Variants in LATS2 observed in about 807,000 individuals in gnomAD.
The protein encoded by LATS2 is serine/threonine-protein kinase LATS2.
LATS2 carries 24 observed loss-of-function variants against 76.0 expected under a neutral mutation model. That is an observed-to-expected ratio of 0.32 (90% CI 0.23 to 0.44). The LOEUF (loss-of-function observed/expected upper bound fraction) is 0.44. LATS2 is among the 20% of genes least tolerant of loss of function. The pLI is 1.00. For missense variants in LATS2, 1,286 were observed against 1,481.2 expected (o/e 0.87, Z 2.16); for synonymous variants, 692 against 635.4 (o/e 1.09, Z -1.34).
intron 2 of LATS2, among the ~76,000 whole-genome samples, chr13:21,027,642 A>G (rs572448456): frequency 6.6e-6 from 1 of 152,294 alleles, no homozygotes; most frequent in Admixed American, 6.5e-5. Context: ...ACTACCCACA[A>G]TAGTCTGGTC....
intron 5 of LATS2, among the ~76,000 whole-genome samples, chr13:20,981,905 C>T (rs913300182): frequency 5.3e-5 from 8 of 152,140 alleles, no homozygotes; most frequent in Admixed American, 2.0e-4. Flanking sequence ...CACCATGCAC[C>T]GTGCTGAGCT....
chr13:21,027,788 TA>T (rs944721836), intron 2 of LATS2, among the ~76,000 whole-genome samples: 67 of 151,978 alleles, frequency 4.4e-4, no homozygotes, highest in African/African-American at 8.0e-4. Flanking sequence ...CAATTTCAAT[TA>T]AAAAAAATAA....
At chr13:21,029,600 G>A (rs1256671509) in intron 2 of LATS2, among the ~76,000 whole-genome samples, 1 of 152,042 alleles carries the variant, frequency 6.6e-6, no homozygotes, top group Non-Finnish European at 1.5e-5. Context: ...AGACCAGCCT[G>A]GCCAATATGG....
intron 2 of LATS2, among the ~76,000 whole-genome samples, chr13:21,036,175 C>T (rs961500749): frequency 2.0e-5 from 3 of 151,800 alleles, no homozygotes; most frequent in Non-Finnish European, 2.9e-5. Context: ...GGATTACAGG[C>T]GTGAGCCACC....
At chr13:21,043,989 G>GTTCTGTACGTCA (rs1235314694) in intron 2 of LATS2, among the ~76,000 whole-genome samples, 1 of 152,164 alleles carries the variant, frequency 6.6e-6, no homozygotes, top group Non-Finnish European at 1.5e-5. Context: ...AAACTGCTGG[G>GTTCTGTACGTCA]TTCTGTACGT....
rs546945015 is a variant in LATS2, at chr13:20,991,186, G to C, written c.475+86C>G. On this transcript the variant is annotated intron_variant, in intron 3 of 7. Coordinates refer to ENST00000382592, the MANE Select transcript of LATS2 (RefSeq NM_014572.3). The surrounding 1 kb of genome is among the most constrained non-coding windows in gnomAD (Gnocchi z 4.9). ...CAGGAGACTGGCTCTGGCCAGGCCA[G>C]GCCAGGTTGGACCCCTCTGCACGTG... The C allele has an allele frequency of 2.5e-5, 39 of 1,532,870 alleles. 1 individual carries two copies. In the South Asian group the frequency reaches 2.8e-4, roughly 11 times the overall value. 95.0% of individuals were successfully genotyped at this position (1,532,870 alleles called of 1,614,324 possible).
intron 2 of LATS2, among the ~76,000 whole-genome samples, chr13:21,007,579 A>AG (rs1236115523): frequency 4.3e-5 from 1 of 23,052 alleles, no homozygotes; most frequent in East Asian, 4.0e-3. Context: ...ATATATATAT[A>AG]TATATATAGT....
In LATS2 at chr13:21,029,797, GA is replaced by G. The variant is rs576838167; in HGVS notation, c.342+15887del. On this transcript the variant is annotated intron_variant, in intron 2 of 7. Transcript: ENST00000382592. ...CAGAGCGACACTCTGTCTCAAAAAAGAAAAAAAAAGATATTGGGGATGGGCG... is the reference window on the plus strand; with the variant it reads ...CAGAGCGACACTCTGTCTCAAAAAAGAAAAAAAAGATATTGGGGATGGGCG... Among the ~76,000 whole-genome samples, 172 of 150,038 alleles carry G rather than the reference GA, an allele frequency of 1.1e-3. 1 individual carries two copies. The highest frequency in any genetic ancestry group is 0.01 in the Middle Eastern group (3 of 288).
At chr13:21,035,929 T>C (rs114143406) in intron 2 of LATS2, among the ~76,000 whole-genome samples, 1 of 152,176 alleles carries the variant, frequency 6.6e-6, no homozygotes, top group Non-Finnish European at 1.5e-5. Context: ...AACAGAGTCT[T>C]GCTCTGTCGC....
rs1486240345 is a variant in LATS2, at chr13:20,995,907, T to G, written c.343-4503A>C. ...GAGTAATGTGGTAGGCTAACAAGAC[T>G]TTGATGACTTTGTGTCAGTCACCTA... On this transcript the variant is annotated intron_variant, in intron 2 of 7. Transcript: ENST00000382592. Among the ~76,000 whole-genome samples the G allele has an allele frequency of 2.0e-5, 3 of 152,336 alleles. No individual in the cohort carries two copies. The East Asian group carries it at 5.8e-4, about 29-fold the overall frequency.
At chr13:21,012,275 G>A (rs58872819) in intron 2 of LATS2, among the ~76,000 whole-genome samples, 1,534 of 152,212 alleles carry the variant, frequency 0.01, 19 homozygotes, top group African/African-American at 0.035. Flanking sequence ...AGTTGTGGAG[G>A]GTGAGTGAGT....
At chr13:20,984,190 T>A (rs1870040768) in intron 4 of LATS2, among the ~76,000 whole-genome samples, 1 of 152,210 alleles carries the variant, frequency 6.6e-6, no homozygotes. Flanking sequence ...CACCTTGGCC[T>A]CCCAAAGTGC....
At position 21,059,758 on chromosome 13, in the gene LATS2, G is replaced by A. The variant is rs1873566603; in HGVS notation, c.-205+1588C>T. Among the ~76,000 whole-genome samples, 3 of 152,130 alleles carry A rather than the reference G, an allele frequency of 2.0e-5. No individual in the cohort carries two copies. The South Asian group carries it at 6.2e-4, about 31-fold the overall frequency. ...AGGCAGGTGGATCACCTGAGGTCAGGAGTTCGAGAGCCAGCCTGGCCAACA... is the reference window on the plus strand; with the variant it reads ...AGGCAGGTGGATCACCTGAGGTCAGAAGTTCGAGAGCCAGCCTGGCCAACA... On this transcript the variant is annotated intron_variant, in intron 1 of 7. Transcript: ENST00000382592.
intron 2 of LATS2, among the ~76,000 whole-genome samples, chr13:21,044,682 G>C (rs1042127047): frequency 2.3e-4 from 31 of 137,462 alleles, no homozygotes; most frequent in African/African-American, 8.0e-4. Context: ...TGGCTATGAG[G>C]TGTAGGGGTG....
At position 21,056,370 on chromosome 13, in the gene LATS2, C is replaced by T. The variant is rs573123209; in HGVS notation, c.-205+4976G>A. ...TCACTTCTACATAAGCTTACAGTCTCGGGGAAAAAGACACCATCACATTCT... is the reference window on the plus strand; with the variant it reads ...TCACTTCTACATAAGCTTACAGTCTTGGGGAAAAAGACACCATCACATTCT... On this transcript the variant is annotated intron_variant, in intron 1 of 7. Coordinates refer to ENST00000382592, the MANE Select transcript of LATS2 (RefSeq NM_014572.3). Among the ~76,000 whole-genome samples the T allele has an allele frequency of 5.9e-5, 9 of 152,048 alleles. No individual in the cohort carries two copies. In the South Asian group the frequency reaches 1.9e-3, roughly 32 times the overall value.
At chr13:20,986,922 G>C (rs1870171418) in intron 4 of LATS2, among the ~76,000 whole-genome samples, 1 of 152,208 alleles carries the variant, frequency 6.6e-6, no homozygotes, top group African/African-American at 2.4e-5. Context: ...GCTGGGTGTG[G>C]TGGCTCACAC....
intron 7 of LATS2, among the ~76,000 whole-genome samples, chr13:20,978,404 G>A (rs1869725234): frequency 6.6e-6 from 1 of 152,102 alleles, no homozygotes; most frequent in Non-Finnish European, 1.5e-5. Flanking sequence ...ACTCATTTCA[G>A]AAAGCAAATG....
chr13:20,997,127 A>G (rs1484730591), intron 2 of LATS2, among the ~76,000 whole-genome samples: 1 of 152,152 alleles, frequency 6.6e-6, no homozygotes, highest in African/African-American at 2.4e-5. Flanking sequence ...GGCTAAAACT[A>G]AGAGATTGGG....
intron 2 of LATS2, among the ~76,000 whole-genome samples, chr13:21,034,534 G>A (rs572737235): frequency 2.6e-4 from 40 of 152,272 alleles, no homozygotes; most frequent in South Asian, 8.3e-4. Context: ...ACGCCAAGAC[G>A]GAGTCACTTG....
Sources: allele counts gnomAD v4.1 joint callset (sites outside exome capture counted in the v4.1 genomes callset), GRCh38; gene constraint gnomAD v4.1.1; non-coding constraint Gnocchi (gnomAD v3.1); transcripts MANE v1.5; gene names NCBI Gene and HGNC (gene_info 2026-07-23, HGNC 2026-07-21).